Variants in ZFHX3 observed in about 807,000 individuals in gnomAD.
The protein encoded by ZFHX3 is zinc finger homeobox 3.
Under a neutral mutation model 279.1 loss-of-function variants are expected in ZFHX3, and 42 were observed. That is an observed-to-expected ratio of 0.15 (90% CI 0.12 to 0.19). The LOEUF is 0.19. Among genes scored for constraint, ZFHX3 ranks in the 10% least tolerant of loss-of-function variants. The pLI is 1.00. For missense variants in ZFHX3, 4,981 were observed against 4,754.0 expected (o/e 1.05, Z -1.40); for synonymous variants, 2,293 against 1,957.8 (o/e 1.17, Z -4.52).
chr16:73,853,481 T>C (rs1375664078), intron 1 of ZFHX3, among the ~76,000 whole-genome samples: 1 of 140,346 alleles, frequency 7.1e-6, no homozygotes, highest in Non-Finnish European at 1.5e-5. Context: ...ACACACACCA[T>C]GGAATACTAC....
intron 3 of ZFHX3, among the ~76,000 whole-genome samples, chr16:73,436,507 T>C (rs1018414790): frequency 5.9e-5 from 9 of 152,110 alleles, no homozygotes; most frequent in African/African-American, 2.2e-4. Flanking sequence ...GAGAACAGTA[T>C]GGGAGAAACC....
At chr16:73,067,702 T>A (rs568068667) in intron 8 of ZFHX3, among the ~76,000 whole-genome samples, 1 of 152,302 alleles carries the variant, frequency 6.6e-6, no homozygotes, top group South Asian at 2.1e-4. Context: ...CACAGAGCAC[T>A]CAGTGGCCCC....
At chr16:73,890,211 T>A (rs1248029009) in intron 1 of ZFHX3, among the ~76,000 whole-genome samples, 2 of 150,004 alleles carry the variant, frequency 1.3e-5, no homozygotes, top group Non-Finnish European at 3.0e-5. Flanking sequence ...TTTTTTCTTC[T>A]TGTAATTGTA....
chr16:73,792,301 C>A (rs898545704), intron 1 of ZFHX3, among the ~76,000 whole-genome samples: 1 of 152,124 alleles, frequency 6.6e-6, no homozygotes, highest in Non-Finnish European at 1.5e-5. Flanking sequence ...GAACTCATTT[C>A]CAGGGGCGGC....
At chr16:73,615,257 A>T (rs1376058509) in intron 2 of ZFHX3, among the ~76,000 whole-genome samples, 1 of 152,102 alleles carries the variant, frequency 6.6e-6, no homozygotes, top group East Asian at 1.9e-4. Context: ...GTCCCGAGAC[A>T]ACTGCTGAGG....
At chr16:73,592,654 T>A (rs756464209) in intron 2 of ZFHX3, among the ~76,000 whole-genome samples, 4 of 152,144 alleles carry the variant, frequency 2.6e-5, no homozygotes, top group Non-Finnish European at 5.9e-5. Flanking sequence ...TGTCAGTAAC[T>A]GTTGAATGTA....
At chr16:73,513,320 C>T (rs1268469431) in intron 2 of ZFHX3, among the ~76,000 whole-genome samples, 1 of 152,126 alleles carries the variant, frequency 6.6e-6, no homozygotes, top group African/African-American at 2.4e-5. Flanking sequence ...TATATATCAT[C>T]ATATAATGGA....
intron 4 of ZFHX3, among the ~76,000 whole-genome samples, chr16:73,270,762 G>A (rs761079728): frequency 2.6e-5 from 4 of 152,102 alleles, no homozygotes; most frequent in East Asian, 3.9e-4. Flanking sequence ...GACCAGAGGC[G>A]GATTTACCTT....
At chr16:73,059,524 T>TCTCTCTCTCTC (rs1965652142) in exon 1 of ZFHX3, 14 of 103,250 alleles carry the variant, frequency 1.4e-4, no homozygotes, top group Non-Finnish European at 2.2e-4. Context: ...ATTTTCCCCT[T>TCTCTCTCTCTC]TCTCTCTCTC....
At chr16:72,904,020 T>G (rs1028412874) in intron 3 of ZFHX3, among the ~76,000 whole-genome samples, 2 of 152,204 alleles carry the variant, frequency 1.3e-5, no homozygotes, top group Admixed American at 1.3e-4. Context: ...TCCCACAGGC[T>G]GGGACCAAGT....
In ZFHX3 at chr16:73,404,636, G is replaced by C. The variant is rs147018657; in HGVS notation, c.-1291+51367C>G. Among the ~76,000 whole-genome samples the C allele has an allele frequency of 2.6e-5, 4 of 152,268 alleles. No homozygotes were observed. The East Asian group carries it at 7.7e-4, about 29-fold the overall frequency. On this transcript the variant is annotated intron_variant, in intron 3 of 17. Transcript: ENST00000641206. ...TGTTGATACTTCACATCTTATACAT[G>C]TCTCATTTTCATCTTCATTATAAGC... is the stretch of plus-strand genomic sequence containing the variant.
intron 2 of ZFHX3, among the ~76,000 whole-genome samples, chr16:73,522,554 G>A (rs190961710): frequency 1.3e-5 from 2 of 152,100 alleles, no homozygotes; most frequent in African/African-American, 2.4e-5. Context: ...TGGGAGAGGG[G>A]AACTTAGTTG....
chr16:73,791,570 G>A (rs771841275), intron 1 of ZFHX3, among the ~76,000 whole-genome samples: 34 of 151,912 alleles, frequency 2.2e-4, no homozygotes, highest in Admixed American at 1.1e-3. Flanking sequence ...GACTACAGGC[G>A]CACACCACCA....
chr16:73,851,773 G>C (rs1485085307), intron 1 of ZFHX3, among the ~76,000 whole-genome samples: 1 of 152,078 alleles, frequency 6.6e-6, no homozygotes, highest in African/African-American at 2.4e-5. Context: ...ACATCGTAGG[G>C]CCTTTTTTAA....
rs568951816 is a variant in ZFHX3, at chr16:73,199,174, C to T, written c.-1103-55343G>A. Among the ~76,000 whole-genome samples, 14 of 152,282 alleles carry T rather than the reference C, an allele frequency of 9.2e-5. No individual in the cohort carries two copies. The South Asian group carries it at 2.9e-3, about 32-fold the overall frequency. On this transcript the variant is annotated intron_variant, in intron 5 of 17. Transcript: ENST00000641206. ...ATCAAATTCTGGAGAAGATTGCTAA[C>T]GTATGATCAGAAAGGAAGAAGACGG...
At chr16:73,877,276 C>T (rs1311792370) in intron 1 of ZFHX3, among the ~76,000 whole-genome samples, 1 of 151,812 alleles carries the variant, frequency 6.6e-6, no homozygotes, top group African/African-American at 2.4e-5. Flanking sequence ...TTTGTCTTTC[C>T]TGCCACAAAT....
chr16:73,025,106 G>T (rs1964449811), intron 1 of ZFHX3, among the ~76,000 whole-genome samples: 1 of 152,164 alleles, frequency 6.6e-6, no homozygotes, highest in African/African-American at 2.4e-5. Context: ...CACCGCAGGG[G>T]GAACGAAGGG....
In ZFHX3 at chr16:73,880,480, T is replaced by C. The variant is rs536514362; in HGVS notation, c.-1608+11171A>G. ...ACTTCAATGTGGAGCTTTTAAAAAT[T>C]ATCACTCTGTAAGAAAAGATGAGAT... is the stretch of plus-strand genomic sequence containing the variant. On this transcript the variant is annotated intron_variant, in intron 1 of 17. Transcript: ENST00000641206. Among the ~76,000 whole-genome samples, 3 of 152,280 alleles carry C rather than the reference T, an allele frequency of 2.0e-5. No individual in the cohort carries two copies. The Middle Eastern group carries it at 0.01, about 518-fold the overall frequency.
rs199685442 is a variant in ZFHX3 at position 72,784,252 on chromosome 16, GA to G, written c.*2911del. ...AGGGAGGATGGCATAGTAGCTCCAT[GA>G]AAAAAAAAAACAAAAACAAAAACAA... On this transcript the variant is annotated 3_prime_UTR_variant, in exon 10 of 10. Coordinates refer to ENST00000268489, the MANE Select transcript of ZFHX3 (RefSeq NM_006885.4). 11,525 of 135,526 alleles carry G rather than the reference GA, an allele frequency of 0.085. 1,113 individuals carry two copies. The highest frequency in any genetic ancestry group is 0.29 in the East Asian group (1,396 of 4,782). 8.4% of individuals were successfully genotyped at this position (135,526 alleles called of 1,614,324 possible).
Sources: allele counts gnomAD v4.1 joint callset (sites outside exome capture counted in the v4.1 genomes callset), GRCh38; gene constraint gnomAD v4.1.1; transcripts MANE v1.5; gene names NCBI Gene and HGNC (gene_info 2026-07-23, HGNC 2026-07-21).